Variants in SLC25A12 observed in about 807,000 individuals in gnomAD.
The protein encoded by SLC25A12 is solute carrier family 25 member 12.
A neutral mutation model predicts 83.3 loss-of-function variants in SLC25A12; 32 were observed. The ratio of observed to expected loss-of-function variants is 0.38; its 90% CI spans 0.29 to 0.52. The LOEUF (loss-of-function observed/expected upper bound fraction) is 0.52, where lower values mean the gene tolerates loss of function less well. Ranked by LOEUF, SLC25A12 falls within the 20% of genes least tolerant of loss-of-function variation. SLC25A12 has a pLI of 0.84. For synonymous variants in SLC25A12, 267 were observed against 291.1 expected, an observed-to-expected ratio of 0.92 and a Z score of 0.84; for missense variants, 611 against 835.6, an observed-to-expected ratio of 0.73 and a Z score of 3.31.
At chr2:171,819,398 A>G (rs373556036) in intron 9 of SLC25A12, among the ~76,000 whole-genome samples, 1 of 64,248 alleles carries the variant, frequency 1.6e-5, no homozygotes, top group Non-Finnish European at 3.3e-5. Context: ...TATATTATAT[A>G]ATTATATAAG....
intron 17 of SLC25A12, among the ~76,000 whole-genome samples, chr2:171,785,712 C>A (rs1470498532): frequency 2.0e-5 from 3 of 152,168 alleles, no homozygotes; most frequent in Non-Finnish European, 4.4e-5. Flanking sequence ...TGCTTGCATA[C>A]ATATATAAAC....
At chr2:171,852,001 T>C (rs565410880) in intron 4 of SLC25A12, among the ~76,000 whole-genome samples, 3 of 152,176 alleles carry the variant, frequency 2.0e-5, no homozygotes, top group Non-Finnish European at 4.4e-5. Context: ...CACACACCAG[T>C]CATGCAATAG....
chr2:171,853,607 G>A (rs1684980645), intron 4 of SLC25A12, among the ~76,000 whole-genome samples: 1 of 152,072 alleles, frequency 6.6e-6, no homozygotes, highest in African/African-American at 2.4e-5. Context: ...CTTGAACCCA[G>A]GAGGCAGAGG....
At chr2:171,855,006 T>G (rs1231835995) in intron 4 of SLC25A12, among the ~76,000 whole-genome samples, 1 of 152,204 alleles carries the variant, frequency 6.6e-6, no homozygotes, top group Non-Finnish European at 1.5e-5. Flanking sequence ...AAACTGTACA[T>G]TTAAAATCAT....
chr2:171,812,946 T>C (rs1267622956), intron 11 of SLC25A12, among the ~76,000 whole-genome samples: 1 of 152,148 alleles, frequency 6.6e-6, no homozygotes, highest in Admixed American at 6.5e-5. Flanking sequence ...ACCTGGATTC[T>C]TTTTCACAGG....
intron 8 of SLC25A12, among the ~76,000 whole-genome samples, chr2:171,832,448 A>C (rs964865139): frequency 2.6e-5 from 4 of 152,228 alleles, no homozygotes; most frequent in African/African-American, 9.6e-5. Flanking sequence ...TTTTGTCTTA[A>C]AAAACAAAGA....
intron 2 of SLC25A12, among the ~76,000 whole-genome samples, chr2:171,869,716 C>T (rs1049282732): frequency 6.6e-6 from 1 of 152,158 alleles, no homozygotes; most frequent in Non-Finnish European, 1.5e-5. Flanking sequence ...AGCCCTTCTC[C>T]TTGAGTTGCA....
intron 13 of SLC25A12, among the ~76,000 whole-genome samples, chr2:171,807,503 T>C (rs553751637): frequency 5.9e-5 from 9 of 152,320 alleles, no homozygotes; most frequent in East Asian, 1.9e-4. Flanking sequence ...AACCTGGATA[T>C]TGCAAACGGA....
chr2:171,839,855 G>A (rs948770002), intron 5 of SLC25A12, among the ~76,000 whole-genome samples: 2 of 152,100 alleles, frequency 1.3e-5, no homozygotes, highest in South Asian at 2.1e-4. Flanking sequence ...AAAACAAGGG[G>A]CTTAGCTGGA....
intron 9 of SLC25A12, among the ~76,000 whole-genome samples, chr2:171,817,480 T>C (rs1313599707): frequency 6.6e-6 from 1 of 150,886 alleles, no homozygotes; most frequent in Non-Finnish European, 1.5e-5. Context: ...CAGGTGCCTA[T>C]AATCCCAGCT....
chr2:171,783,621 T>C lies in SLC25A12; in HGVS notation c.*1653A>G, dbSNP rs1015617045. On this transcript the variant is annotated 3_prime_UTR_variant, in exon 18 of 18. Transcript: ENST00000422440. ...CCTCTGGGCCAGGAAGTGGTGGAGG[T>C]AGAAGGAGGGTAAGCGGGACACTTT... Among the ~76,000 whole-genome samples the C allele has an allele frequency of 5.9e-5, 9 of 152,080 alleles. No individual in the cohort carries two copies. Among genetic ancestry groups the C allele is most frequent in the African/African-American group, 2.2e-4 (9 of 41,386 alleles).
At chr2:171,804,345 GCCTC>G (rs1368955384) in intron 13 of SLC25A12, among the ~76,000 whole-genome samples, 1 of 152,004 alleles carries the variant, frequency 6.6e-6, no homozygotes, top group African/African-American at 2.4e-5. Context: ...TGCAACCTCC[GCCTC>G]CCAGGCTCAA....
chr2:171,785,579 TTCTC>T (rs1690473304), intron 17 of SLC25A12, 104 bp from the exon 18 acceptor site: 4 of 1,016,296 alleles, frequency 3.9e-6, no homozygotes, highest in African/African-American at 1.6e-5. Context: ...AGAAGAATGT[TTCTC>T]TCAACCATTT....
At chr2:171,818,077 T>G (rs1012961035) in intron 9 of SLC25A12, among the ~76,000 whole-genome samples, 3 of 152,364 alleles carry the variant, frequency 2.0e-5, no homozygotes, top group African/African-American at 7.2e-5. Context: ...AGTTATCACT[T>G]ATGGCTCACT....
intron 3 of SLC25A12, among the ~76,000 whole-genome samples, chr2:171,858,669 T>C (rs144501869): frequency 8.5e-4 from 129 of 152,316 alleles, no homozygotes; most frequent in Middle Eastern, 3.4e-3. Flanking sequence ...AGATTTCCCA[T>C]AAATACTCAG....
intron 5 of SLC25A12, among the ~76,000 whole-genome samples, chr2:171,839,804 C>T (rs1229095844): frequency 6.6e-6 from 1 of 152,118 alleles, no homozygotes; most frequent in Non-Finnish European, 1.5e-5. Context: ...CAATTATTAG[C>T]TGCATTGGTA....
At chr2:171,800,031 G>C (rs1558910451) in intron 13 of SLC25A12, among the ~76,000 whole-genome samples, 1 of 152,070 alleles carries the variant, frequency 6.6e-6, no homozygotes, top group Non-Finnish European at 1.5e-5. Flanking sequence ...AGTACCTAAA[G>C]GTTAGTCCAT....
chr2:171,883,821 C>T (rs1006341812), intron 2 of SLC25A12, among the ~76,000 whole-genome samples: 3 of 151,984 alleles, frequency 2.0e-5, no homozygotes, highest in African/African-American at 7.3e-5. Flanking sequence ...CTTCCTTGGA[C>T]GTGTCACAAT....
chr2:171,834,970 A>C lies in SLC25A12; in HGVS notation c.613-105T>G. On this transcript the variant is annotated intron_variant, in intron 6 of 17. Coordinates refer to ENST00000422440, the MANE Select transcript of SLC25A12 (RefSeq NM_003705.5). Reference sequence around the variant, plus strand: ...AGGATCCAAAGGAGTCTTCACTGTTAAAATGATGTTAACAACCAGTACATA... The same window carrying C: ...AGGATCCAAAGGAGTCTTCACTGTTCAAATGATGTTAACAACCAGTACATA... 7 of 1,210,494 alleles carry C rather than the reference A, an allele frequency of 5.8e-6. No homozygotes were observed. In the South Asian group the frequency reaches 9.1e-5, roughly 16 times the overall value. 75.0% of individuals were successfully genotyped at this position (1,210,494 alleles called of 1,614,324 possible). A position where few individuals can be genotyped will look rare whatever the true frequency, so the allele number is the denominator to read the frequency against.
Sources: allele counts gnomAD v4.1 joint callset (sites outside exome capture counted in the v4.1 genomes callset), GRCh38; gene constraint gnomAD v4.1.1; transcripts MANE v1.5; gene names NCBI Gene and HGNC (gene_info 2026-07-23, HGNC 2026-07-21).